Variants in PLCH2 observed in about 807,000 individuals in gnomAD.
PLCH2 encodes the protein 1-phosphatidylinositol 4,5-bisphosphate phosphodiesterase eta-2.
A neutral mutation model predicts 134.7 loss-of-function variants in PLCH2; 98 were observed. The ratio of observed to expected loss-of-function variants is 0.73; its 90% CI spans 0.62 to 0.86. The LOEUF is 0.86. Ranked by LOEUF, PLCH2 falls within the 40% of genes least tolerant of loss-of-function variation. The probability of loss-of-function intolerance (pLI) is 0.00; values close to 1 mark genes in which losing one functional copy is unlikely to be tolerated. For synonymous variants in PLCH2, 974 were observed against 827.5 expected (o/e 1.18, Z -3.04); for missense variants, 1,994 against 1,986.6 (o/e 1.00, Z -0.07).
intron 4 of PLCH2, 72 bp downstream of exon 4, chr1:2,480,384 GCCTGCCAGC>G: frequency 6.5e-7 from 1 of 1,528,896 alleles, no homozygotes; most frequent in Non-Finnish European, 8.9e-7. Context: ...GTGGCTGGGA[GCCTGCCAGC>G]CCTGACTGAG....
intron 18 of PLCH2, 38 bp from the exon 19 acceptor site, chr1:2,499,046 C>A (rs544822244): frequency 3.4e-5 from 54 of 1,590,916 alleles, no homozygotes; most frequent in Non-Finnish European, 4.5e-5. Context: ...GGGCCGGGCC[C>A]TCCCCATGGG....
rs764934413 is a variant in PLCH2 at position 2,487,297 on chromosome 1, C to T, written c.1035C>T (p.Leu345=). Residue 345 remains leucine, a synonymous_variant, in exon 7 of 22, where the codon CTC becomes CTT. Coordinates refer to ENST00000378486, the MANE Select transcript of PLCH2 (RefSeq NM_014638.4). ...YFITSSHNTY[L]VGDQLMSQSR... is the part of the protein sequence containing the mutation. ...TCACCTCGTCCCACAACACCTACCT[C>T]GTGGGTGACCAGCTCATGTCCCAGT... is the stretch of plus-strand genomic sequence containing the variant. The T allele has an allele frequency of 6.7e-5, 108 of 1,613,534 alleles. No homozygotes were observed. Among genetic ancestry groups the T allele is most frequent in the African/African-American group, 5.6e-4 (42 of 74,932 alleles).
At chr1:2,431,592 C>T (rs1639074759) in intron 2 of PLCH2, among the ~76,000 whole-genome samples, 1 of 152,098 alleles carries the variant, frequency 6.6e-6, no homozygotes, top group Admixed American at 6.5e-5. Flanking sequence ...CTTCCAGAGT[C>T]CTGGAGAGCT....
upstream of PLCH2, among the ~76,000 whole-genome samples, chr1:2,464,477 T>C (rs1008758590): frequency 6.6e-6 from 1 of 152,222 alleles, no homozygotes; most frequent in African/African-American, 2.4e-5. Context: ...TGGCCTATAG[T>C]GGCCCCTGTC....
intron 11 of PLCH2, chr1:2,493,058 T>G (rs932721834): frequency 6.6e-6 from 1 of 152,172 alleles, no homozygotes; most frequent in Non-Finnish European, 1.5e-5. Context: ...CTGGGGGGCC[T>G]GCTGCTGGCT....
At chr1:2,417,179 C>T in the PLCH2 span, among the ~76,000 whole-genome samples, 1 of 152,142 alleles carries the variant, frequency 6.6e-6, no homozygotes, top group Non-Finnish European at 1.5e-5. Context: ...ACCATGACCT[C>T]GCTGATAGGA....
At position 2,478,567 on chromosome 1, in the gene PLCH2, C is replaced by G. The variant is rs754782284; in HGVS notation, c.216C>G (p.Asp72Glu). The change falls in exon 2 of 22, where the codon GAC becomes GAG. Residue 72 changes from aspartate to glutamate, a missense_variant. Around this residue, in one of 2 missense-constraint regions of PLCH2, gnomAD observed 1,094 missense variants for 1,234.3 expected, o/e 0.89. Transcript: ENST00000378486. ...GCCTGGTCCGCTTCTACTACCTGGA[C>G]GAGCACCGCTCCTGCATCCGCTGGA... ...SKGLVRFYYL[D>E]EHRSCIRWRP... The G allele has an allele frequency of 6.2e-7, 1 of 1,612,402 alleles. No individual in the cohort carries two copies. The highest frequency in any genetic ancestry group is 1.3e-5 in the African/African-American group (1 of 74,902).
chr1:2,419,057 C>T, the PLCH2 span, among the ~76,000 whole-genome samples: 1 of 152,146 alleles, frequency 6.6e-6, no homozygotes, highest in African/African-American at 2.4e-5. Flanking sequence ...CATCCTCTGG[C>T]TGGGGCATGT....
At chr1:2,471,607 G>A (rs1164600833), upstream of PLCH2, among the ~76,000 whole-genome samples, 1 of 152,208 alleles carries the variant, frequency 6.6e-6, no homozygotes, top group Admixed American at 6.5e-5. Flanking sequence ...CCTTCTAGCA[G>A]CAGCTGGGCC....
chr1:2,503,759 G>A (rs1436075947), intron 21 of PLCH2, 163 bp from the exon 22 acceptor site: 9 of 615,730 alleles, frequency 1.5e-5, no homozygotes, highest in African/African-American at 3.7e-5. Context: ...CGAGTGTGCC[G>A]CGCCCGGGGG....
At chr1:2,493,988 T>C (rs191257711) in intron 11 of PLCH2, 1 of 152,648 alleles carries the variant, frequency 6.6e-6, no homozygotes, top group Non-Finnish European at 1.5e-5. Context: ...TACAGGGGCA[T>C]GGCCACGGGT....
At chr1:2,432,734 C>T (rs181251237) in intron 2 of PLCH2, among the ~76,000 whole-genome samples, 1 of 152,296 alleles carries the variant, frequency 6.6e-6, no homozygotes, top group East Asian at 1.9e-4. Flanking sequence ...GGCCGGATGC[C>T]AGAGGTGGAG....
intron 4 of PLCH2, among the ~76,000 whole-genome samples, chr1:2,484,074 GGGTGTTGACTGCTGTGTGGGGGA>G (rs1409892179): frequency 8.6e-5 from 13 of 151,816 alleles, no homozygotes; most frequent in Non-Finnish European, 1.6e-4. Flanking sequence ...CCCGTGTGGG[GGGTGTTGACTGCTGTGTGGGGGA>G]GGTGTTGACT....
rs1640068666 is a variant in PLCH2 at position 2,448,921 on chromosome 1, T to G, written c.115+18292T>G. Among the ~76,000 whole-genome samples the G allele has an allele frequency of 6.6e-6, 1 of 152,166 alleles. No individual in the cohort carries two copies. Among genetic ancestry groups the G allele is most frequent in the South Asian group, 2.1e-4 (1 of 4,830 alleles). ...CGGAAGGCACCTGGGGCCTCCAGAA[T>G]GCTCGTTTCGTCAAACTGTTGTACG... On this transcript the variant is annotated intron_variant, in intron 2 of 3. Coordinates refer to the PLCH2 transcript ENST00000609981. The surrounding 1 kb of genome is among the most constrained non-coding windows in gnomAD (Gnocchi z 4.0).
chr1:2,481,485 G>C (rs533910726), intron 4 of PLCH2, among the ~76,000 whole-genome samples: 1 of 152,378 alleles, frequency 6.6e-6, no homozygotes, highest in East Asian at 1.9e-4. Context: ...GGCTGTGCCA[G>C]GGCCCGGGCA....
intron 2 of PLCH2, among the ~76,000 whole-genome samples, chr1:2,435,124 G>C (rs1242062069): frequency 6.6e-6 from 1 of 152,200 alleles, no homozygotes; most frequent in African/African-American, 2.4e-5. Context: ...GCAGAGAAGT[G>C]GGCAGTCCAG....
At chr1:2,479,517 A>G in intron 2 of PLCH2, 2 of 527,198 alleles carry the variant, frequency 3.8e-6, no homozygotes, top group East Asian at 3.0e-5. Flanking sequence ...TCCACAGGAA[A>G]GGGAAAGGGG....
In PLCH2 at chr1:2,436,431, TCCC is replaced by T. The variant is rs1557943536; in HGVS notation, c.115+5803_115+5805del. Among the ~76,000 whole-genome samples, 25 of 36,880 alleles carry T rather than the reference TCCC, an allele frequency of 6.8e-4. 5 individuals are homozygous for T. Among genetic ancestry groups the T allele is most frequent in the African/African-American group, 3.7e-3 (22 of 5,922 alleles). The allele number at this position is 36,880 out of a possible 152,430, so 24.2% of individuals were successfully genotyped here. On this transcript the variant is annotated intron_variant, in intron 2 of 3. Transcript: ENST00000609981. The stretch of plus-strand genomic sequence containing the variant: ...TCCTCCCTCCACCTTTCCTCCTTTC[TCCC>T]TCCTCCCTTCCTCCCTTCCTCCCTC...
In PLCH2 at chr1:2,450,891, C is replaced by T. The variant is rs186996217; in HGVS notation, c.115+20262C>T. ...GGGTTTTGGGGACATACCTGTGTCT[C>T]TGGGTCTCAGTTTCCTCATCTGTGA... On this transcript the variant is annotated intron_variant, in intron 2 of 3. Transcript: ENST00000609981. Among the ~76,000 whole-genome samples the T allele has an allele frequency of 7.1e-4, 107 of 151,166 alleles. No individual in the cohort carries two copies. In the East Asian group the frequency reaches 0.018, roughly 26 times the overall value.
Sources: allele counts gnomAD v4.1 joint callset (sites outside exome capture counted in the v4.1 genomes callset), GRCh38; gene constraint gnomAD v4.1.1; regional missense constraint gnomAD v4.1.1; non-coding constraint Gnocchi (gnomAD v3.1); transcripts MANE v1.5; gene names NCBI Gene and HGNC (gene_info 2026-07-23, HGNC 2026-07-21).